MARF1: variants seen among roughly 807,000 people sequenced by gnomAD.
MARF1 encodes the protein meiosis regulator and mRNA stability factor 1.
Under a neutral mutation model 168.2 loss-of-function variants are expected in MARF1, and 24 were observed. That is an observed-to-expected ratio of 0.14 (90% CI 0.10 to 0.20). The LOEUF (loss-of-function observed/expected upper bound fraction) is 0.20, where lower values mean the gene tolerates loss of function less well. Among genes scored for constraint, MARF1 ranks in the 10% least tolerant of loss-of-function variants. The probability of loss-of-function intolerance (pLI) is 1.00; values close to 1 mark genes in which losing one functional copy is unlikely to be tolerated. For missense variants in MARF1, 1,744 were observed against 2,143.6 expected (o/e 0.81, Z 3.68); for synonymous variants, 868 against 822.4 (o/e 1.06, Z -0.95).
In MARF1 at chr16:15,602,663, TA is replaced by T. The variant is rs766537210; in HGVS notation, c.4414-461del. ...AGGAGAAAGAAAAGGAGGAGGGATA[TA>T]TTCAAGGATTTCCTCCAAGAGAAGG... On this transcript the variant is annotated intron_variant, in intron 22 of 26. Transcript: ENST00000396368. 3.4e-4 allele frequency: 41 copies of T among 121,628 alleles called. No individual in the cohort carries two copies. The African/African-American group carries it at 3.7e-3, about 11-fold the overall frequency. The allele number at this position is 121,628 out of a possible 1,614,324, so 7.5% of individuals were successfully genotyped here.
intron 23 of MARF1, 171 bp from the exon 24 acceptor site, chr16:15,600,872 G>C (rs1384534332): frequency 6.7e-6 from 5 of 744,090 alleles, no homozygotes; most frequent in Non-Finnish European, 1.2e-5. Flanking sequence ...AGCAACAGAA[G>C]CTGACAGAAA....
At chr16:15,616,067 G>A (rs2034021243) in intron 15 of MARF1, 62 bp from the exon 16 acceptor site, 4 of 1,328,044 alleles carry the variant, frequency 3.0e-6, no homozygotes, top group Admixed American at 5.4e-5. Flanking sequence ...AAAAGGAGGC[G>A]CTTGCTAAAC....
chr16:15,637,427 A>C (rs952706672), intron 2 of MARF1, among the ~76,000 whole-genome samples: 6 of 152,250 alleles, frequency 3.9e-5, no homozygotes, highest in African/African-American at 1.2e-4. Flanking sequence ...GCATAGGCTC[A>C]TCTGGAAGAA....
chr16:15,625,480 G>A lies in MARF1; in HGVS notation c.1845C>T (p.Leu615=), dbSNP rs372771743. 1.2e-6 allele frequency: 2 copies of A among 1,614,048 alleles called. No individual in the cohort carries two copies. Among genetic ancestry groups the A allele is most frequent in the Non-Finnish European group, 1.7e-6 (2 of 1,180,028 alleles). The change falls in exon 8 of 27, where the codon CTC becomes CTT. Residue 615 remains leucine, a synonymous_variant. Transcript: ENST00000396368. ...AAGATTGTTCACTTGCATCTTTGAT[G>A]AGGCACAATTTTGGATTCTTAAGTT... The part of the protein sequence containing the change: ...PKKLKNPKLC[L]IKDASEQSSS...
At position 15,594,621 on chromosome 16, in the gene MARF1, G is replaced by C. The variant is rs188349506; in HGVS notation, c.*2072C>G. ...GTATATCTTTCCACCCAGAAATAAA[G>C]AATTACATTGTCTTAATGCTCAAAC... On this transcript the variant is annotated 3_prime_UTR_variant, in exon 27 of 27. Transcript: ENST00000396368. 6.6e-6 allele frequency: 1 copy of C among 152,582 alleles called. No individual in the cohort carries two copies. Among genetic ancestry groups the C allele is most frequent in the African/African-American group, 2.4e-5 (1 of 41,510 alleles). The allele number at this position is 152,582 out of a possible 1,614,324, so 9.5% of individuals were successfully genotyped here.
At position 15,640,174 on chromosome 16, in the gene MARF1, T is replaced by A. The variant is rs138067999; in HGVS notation, c.-58-883A>T. Among the ~76,000 whole-genome samples, 59 of 152,318 alleles carry A rather than the reference T, an allele frequency of 3.9e-4. 1 individual carries two copies. The highest frequency in any genetic ancestry group is 1.4e-3 in the African/African-American group (58 of 41,580). ...GACAACTATATGTAAGATTTTAAAA[T>A]TGACTTAAGAGCAACTTCTTGCACT... On this transcript the variant is annotated intron_variant, in intron 1 of 26. Transcript: ENST00000396368.
intron 1 of MARF1, among the ~76,000 whole-genome samples, chr16:15,640,139 C>T (rs2035854146): frequency 6.6e-6 from 1 of 152,220 alleles, no homozygotes; most frequent in Non-Finnish European, 1.5e-5. Context: ...GCCACCACCA[C>T]ATCCTCATTG....
chr16:15,600,864 CA>C (rs1315097766), intron 23 of MARF1, 163 bp from the exon 24 acceptor site: 1 of 768,418 alleles, frequency 1.3e-6, no homozygotes, highest in Non-Finnish European at 2.3e-6. Flanking sequence ...GCTTTTAAAG[CA>C]ACAGAAGCTG....
Position 15,612,882 on chromosome 16 carries a change from C to T in MARF1, c.3254-105G>A, listed in dbSNP as rs1567548718. 7.2e-6 allele frequency: 6 copies of T among 830,636 alleles called. No individual in the cohort carries two copies. In the South Asian group the frequency reaches 7.3e-5, roughly 10 times the overall value. The allele number at this position is 830,636 out of a possible 1,614,324, so 51.5% of individuals were successfully genotyped here. ...TGGCTTGAGTTCGATCATGGGGAAG[C>T]AAACAAAACCAAATACAGTAGCTGC... On this transcript the variant is annotated intron_variant, in intron 16 of 26. Coordinates refer to ENST00000396368, the MANE Select transcript of MARF1 (RefSeq NM_014647.4).
chr16:15,609,322 A>C (rs889788960), intron 20 of MARF1, among the ~76,000 whole-genome samples: 1 of 152,176 alleles, frequency 6.6e-6, no homozygotes, highest in African/African-American at 2.4e-5. Flanking sequence ...AGTTTGAATA[A>C]TCCTTTATTG....
At chr16:15,609,871 T>A in intron 19 of MARF1, 146 bp from the exon 20 acceptor site, 1 of 667,200 alleles carries the variant, frequency 1.5e-6, no homozygotes, top group South Asian at 2.0e-5. Context: ...CAAACACATA[T>A]ACTCTTCCCT....
At chr16:15,613,639 GA>G (rs2033773408) in intron 16 of MARF1, among the ~76,000 whole-genome samples, 1 of 118,416 alleles carries the variant, frequency 8.4e-6, no homozygotes, top group Admixed American at 9.1e-5. Flanking sequence ...TCCAGCCTGG[GA>G]CACAGAGCGA....
In MARF1 at chr16:15,636,300, C is replaced by A; in HGVS notation, c.187G>T (p.Asp63Tyr). The change falls in exon 3 of 27, where the codon GAT becomes TAT. Residue 63 changes from aspartate to tyrosine, a missense_variant. Asp to Tyr is a radical substitution (Grantham distance 160, BLOSUM62 -3). Transcript: ENST00000396368. ...CCAGCATGAAGGGGTGATGGTACAT[C>A]CTTTAGTTCCACAGCAACTTTCTTG... is the stretch of plus-strand genomic sequence containing the variant. ...ENKKVAVELK[D>Y]VPSPLHAGSK... 6.3e-7 allele frequency: 1 copy of A among 1,582,786 alleles called. No individual in the cohort carries two copies. The highest frequency in any genetic ancestry group is 8.6e-7 in the Non-Finnish European group (1 of 1,163,286).
At chr16:15,603,366 T>C (rs1213128426) in intron 22 of MARF1, among the ~76,000 whole-genome samples, 3 of 152,172 alleles carry the variant, frequency 2.0e-5, no homozygotes, top group African/African-American at 7.2e-5. Context: ...TGGGGATGGG[T>C]TCTTGCTATG....
chr16:15,628,790 C>T (rs984173366), intron 7 of MARF1, among the ~76,000 whole-genome samples: 1 of 152,122 alleles, frequency 6.6e-6, no homozygotes, highest in Non-Finnish European at 1.5e-5. Context: ...AAAATCTACA[C>T]TTTTCCTATT....
At chr16:15,602,724 A>T (rs1341866204) in intron 22 of MARF1, 1 of 446,764 alleles carries the variant, frequency 2.2e-6, no homozygotes, top group Admixed American at 2.5e-5. Context: ...TCTATTTGCA[A>T]GTCGAAGGCT....
In MARF1 at chr16:15,595,529, G is replaced by A. The variant is rs960480190; in HGVS notation, c.*1164C>T. The stretch of plus-strand genomic sequence containing the variant: ...AGGCCACCCGTCAGCGGACACCTCA[G>A]GCACCTAGAGAGGAAGGCCATTCCA... On this transcript the variant is annotated 3_prime_UTR_variant, in exon 27 of 27. Coordinates refer to ENST00000396368, the MANE Select transcript of MARF1 (RefSeq NM_014647.4). 6.6e-6 allele frequency: 1 copy of A among 152,584 alleles called. No homozygotes were observed. Among genetic ancestry groups the A allele is most frequent in the Non-Finnish European group, 1.5e-5 (1 of 68,026 alleles). The allele number at this position is 152,584 out of a possible 1,614,324, so 9.5% of individuals were successfully genotyped here. A position where few individuals can be genotyped will look rare whatever the true frequency, so the allele number is the denominator to read the frequency against.
At chr16:15,617,735 A>G (rs986559954) in intron 13 of MARF1, among the ~76,000 whole-genome samples, 200 bp from the exon 14 acceptor site, 1 of 152,128 alleles carries the variant, frequency 6.6e-6, no homozygotes, top group Non-Finnish European at 1.5e-5. Flanking sequence ...TCTGGCTCCG[A>G]CCATGACAAT....
chr16:15,600,664 A>G lies in MARF1; in HGVS notation c.4664T>C (p.Val1555Ala). 6.2e-7 allele frequency: 1 copy of G among 1,613,878 alleles called. No homozygotes were observed. Among genetic ancestry groups the G allele is most frequent in the Non-Finnish European group, 8.5e-7 (1 of 1,180,036 alleles). ...WIKGHGHKRIVVLKNDMKSRL... is the reference protein window; with the variant it reads ...WIKGHGHKRIAVLKNDMKSRL... ...ACTTTTCATGTCATTTTTTAACACT[A>G]CAATTCTCTTATGACCATGTCCTTT... is the stretch of plus-strand genomic sequence containing the variant. The change falls in exon 24 of 27, where the codon GTA becomes GCA. Residue 1555 changes from valine to alanine, a missense_variant. Val to Ala is a moderately conservative substitution (Grantham distance 64). Transcript: ENST00000396368.
Sources: allele counts gnomAD v4.1 joint callset (sites outside exome capture counted in the v4.1 genomes callset), GRCh38; gene constraint gnomAD v4.1.1; transcripts MANE v1.5; gene names NCBI Gene and HGNC (gene_info 2026-07-23, HGNC 2026-07-21).